DLGAP2: variants seen among roughly 807,000 people sequenced by gnomAD.
DLGAP2 encodes DLG associated protein 2.
In DLGAP2, 26 loss-of-function variants were observed where a neutral mutation model predicts 100.3. The ratio of observed to expected loss-of-function variants is 0.26; its 90% CI spans 0.19 to 0.36. The LOEUF (loss-of-function observed/expected upper bound fraction) is 0.36. Ranked by LOEUF, DLGAP2 falls within the 10% of genes least tolerant of loss-of-function variation. The pLI, the probability that DLGAP2 is intolerant of heterozygous loss-of-function variation, is 1.00. For missense variants in DLGAP2, 1,858 were observed against 1,453.2 expected (o/e 1.28, Z -4.53); for synonymous variants, 886 against 630.1 (o/e 1.41, Z -6.08).
At chr8:1,161,846 G>T (rs1398808111) in intron 2 of DLGAP2, among the ~76,000 whole-genome samples, 2 of 152,232 alleles carry the variant, frequency 1.3e-5, no homozygotes, top group Non-Finnish European at 2.9e-5. Context: ...GTGGCTTCCT[G>T]TGCTCACGGC....
chr8:1,153,427 T>C (rs774825883), intron 2 of DLGAP2, among the ~76,000 whole-genome samples: 129 of 152,316 alleles, frequency 8.5e-4, no homozygotes, highest in Non-Finnish European at 1.7e-3. Context: ...TACAGTTCAC[T>C]CTTTCTCAGC....
chr8:1,383,974 G>A (rs977494322), intron 3 of DLGAP2, among the ~76,000 whole-genome samples: 1 of 152,206 alleles, frequency 6.6e-6, no homozygotes, highest in Non-Finnish European at 1.5e-5. Flanking sequence ...ACAAATGCAT[G>A]TCTGGGGTTT....
chr8:1,364,370 C>A (rs1456809933), intron 3 of DLGAP2, among the ~76,000 whole-genome samples: 1 of 152,102 alleles, frequency 6.6e-6, no homozygotes, highest in Non-Finnish European at 1.5e-5. Context: ...AGGGCTGCCA[C>A]GTGCGGAATG....
chr8:1,611,264 T>A (rs919459063), intron 6 of DLGAP2, among the ~76,000 whole-genome samples: 1 of 93,690 alleles, frequency 1.1e-5, no homozygotes, highest in Admixed American at 1.2e-4. Context: ...TAATCCAGCA[T>A]ATAAACAGAG....
At chr8:803,654 G>C (rs896466433) in intron 1 of DLGAP2, among the ~76,000 whole-genome samples, 7 of 152,156 alleles carry the variant, frequency 4.6e-5, no homozygotes, top group African/African-American at 9.7e-5. Context: ...ACAAGATACA[G>C]TTAGAAGCAG....
chr8:1,452,962 G>A (rs749616051), intron 3 of DLGAP2, among the ~76,000 whole-genome samples: 9 of 152,200 alleles, frequency 5.9e-5, no homozygotes, highest in Non-Finnish European at 1.2e-4. Flanking sequence ...CTTGTCGGGC[G>A]GCAGGTGTTA....
At chr8:1,512,377 C>T (rs867972481) in intron 4 of DLGAP2, among the ~76,000 whole-genome samples, 5 of 152,162 alleles carry the variant, frequency 3.3e-5, no homozygotes, top group Admixed American at 1.3e-4. Flanking sequence ...CTAGTGATCA[C>T]GGTTCAGACA....
chr8:1,019,924 G>A lies in DLGAP2; in HGVS notation c.73+111958G>A, dbSNP rs115695679. ...GCCTGTGTGTGTGTGAATGCAGGGC[G>A]TGGGGAGGGACAAAAGTTGTTTCCC... On this transcript the variant is annotated intron_variant, in intron 2 of 14. Transcript: ENST00000637795. Among the ~76,000 whole-genome samples the A allele has an allele frequency of 4.3e-3, 651 of 152,298 alleles. 5 individuals are homozygous for A. The highest frequency in any genetic ancestry group is 0.015 in the African/African-American group (609 of 41,558).
intron 3 of DLGAP2, among the ~76,000 whole-genome samples, chr8:1,288,092 T>C (rs1799981246): frequency 6.7e-6 from 1 of 148,770 alleles, no homozygotes; most frequent in African/African-American, 2.5e-5. Context: ...GTTCAGTGTG[T>C]GTGTGTGCGT....
intron 2 of DLGAP2, among the ~76,000 whole-genome samples, chr8:1,050,949 A>G (rs1384348048): frequency 9.2e-6 from 1 of 109,042 alleles, no homozygotes; most frequent in African/African-American, 3.6e-5. Flanking sequence ...GTGGGGGGTC[A>G]TTTTGTGGTG....
intron 2 of DLGAP2, among the ~76,000 whole-genome samples, chr8:1,050,729 TCTC>T (rs1802653820): frequency 6.6e-6 from 1 of 152,178 alleles, no homozygotes; most frequent in Non-Finnish European, 1.5e-5. Flanking sequence ...TAAAGTATCT[TCTC>T]CTTAAACTGC....
At chr8:865,720 G>A (rs915628595) in intron 1 of DLGAP2, among the ~76,000 whole-genome samples, 3 of 152,156 alleles carry the variant, frequency 2.0e-5, no homozygotes, top group Non-Finnish European at 2.9e-5. Context: ...TTATAAGGCC[G>A]CTGTGAGCTG....
intron 3 of DLGAP2, among the ~76,000 whole-genome samples, chr8:1,434,591 T>C (rs924395493): frequency 6.6e-5 from 10 of 152,068 alleles, no homozygotes; most frequent in African/African-American, 2.2e-4. Context: ...ATCCTCCCAC[T>C]TCAAGTTCCC....
intron 2 of DLGAP2, among the ~76,000 whole-genome samples, chr8:1,043,195 T>C (rs1306701522): frequency 2.8e-4 from 30 of 109,086 alleles, no homozygotes; most frequent in African/African-American, 9.4e-4. Flanking sequence ...TGGGTGTTGG[T>C]GGTGGATGCG....
At chr8:1,323,859 T>C (rs1286060789) in intron 3 of DLGAP2, among the ~76,000 whole-genome samples, 1 of 152,246 alleles carries the variant, frequency 6.6e-6, no homozygotes, top group Admixed American at 6.5e-5. Context: ...GCTGTACTAC[T>C]AGCTGAAACC....
intron 3 of DLGAP2, among the ~76,000 whole-genome samples, chr8:1,379,347 C>G (rs553832908): frequency 6.6e-6 from 1 of 152,368 alleles, no homozygotes; most frequent in South Asian, 2.1e-4. Context: ...TAAGTCATGT[C>G]CCTGGCACAG....
chr8:1,110,988 G>T (rs540031160), intron 2 of DLGAP2, among the ~76,000 whole-genome samples: 3 of 152,148 alleles, frequency 2.0e-5, no homozygotes, highest in Non-Finnish European at 2.9e-5. Context: ...CCAGCCGAAG[G>T]TCACACGTGG....
chr8:1,068,896 G>C (rs1292994012), intron 2 of DLGAP2, among the ~76,000 whole-genome samples: 2 of 152,142 alleles, frequency 1.3e-5, no homozygotes, highest in Non-Finnish European at 2.9e-5. Context: ...GCATAAAAAA[G>C]GGAATCTGTG....
chr8:1,386,754 A>G (rs1377087569), intron 3 of DLGAP2, among the ~76,000 whole-genome samples: 1 of 152,176 alleles, frequency 6.6e-6, no homozygotes, highest in African/African-American at 2.4e-5. Flanking sequence ...CCCAGGCCAC[A>G]CCAGCATAGA....
Sources: gnomAD v4.1 joint callset for allele counts (sites outside exome capture counted in the v4.1 genomes callset) on GRCh38, gnomAD v4.1.1 for gene constraint, MANE v1.5 for transcripts, NCBI Gene and HGNC (gene_info 2026-07-23, HGNC 2026-07-21) for gene names.